MMS19: variants seen among roughly 807,000 people sequenced by gnomAD.
MMS19 encodes MMS19 nucleotide excision repair protein homolog.
A neutral mutation model predicts 129.8 loss-of-function variants in MMS19; 77 were observed. That is an observed-to-expected ratio of 0.59 (90% confidence interval 0.49 to 0.72). MMS19 has a LOEUF of 0.72. Among genes scored for constraint, MMS19 ranks in the 30% least tolerant of loss-of-function variants. The pLI, the probability that MMS19 is intolerant of heterozygous loss-of-function variation, is 0.00. For synonymous variants in MMS19, 491 were observed against 502.8 expected, an observed-to-expected ratio of 0.98 and a Z score of 0.31; for missense variants, 1,168 against 1,266.3, an observed-to-expected ratio of 0.92 and a Z score of 1.18.
chr10:97,493,288 G>T (rs138309479), intron 1 of MMS19, among the ~76,000 whole-genome samples: 1 of 152,160 alleles, frequency 6.6e-6, no homozygotes. Flanking sequence ...TGGGATTACA[G>T]GCATGAACCA....
chr10:97,478,179 T>C, intron 4 of MMS19, 125 bp downstream of exon 4: 3 of 761,276 alleles, frequency 3.9e-6, no homozygotes, highest in Non-Finnish European at 4.4e-6. Flanking sequence ...CTGGTAACAC[T>C]AATTTAGTCC....
intron 2 of MMS19, among the ~76,000 whole-genome samples, chr10:97,482,648 AGAATTGT>A (rs1224240026): frequency 6.6e-6 from 1 of 151,996 alleles, no homozygotes; most frequent in Non-Finnish European, 1.5e-5. Flanking sequence ...TACAAGCCAC[AGAATTGT>A]ACATTTTAAA....
chr10:97,461,711 T>C lies in MMS19; in HGVS notation c.2185-89A>G, dbSNP rs29001326. ...TAGTGGCAGCAGGGACCGGGACGGA[T>C]GAGAACTAACTTCTCTGGTGGGGGA... On this transcript the variant is annotated intron_variant, in intron 22 of 30. Coordinates refer to ENST00000438925, the MANE Select transcript of MMS19 (RefSeq NM_022362.5). 4.6e-4 allele frequency: 720 copies of C among 1,551,312 alleles called. 5 individuals are homozygous for C. The African/African-American group carries it at 9.1e-3, about 20-fold the overall frequency.
chr10:97,491,405 G>A (rs554678687), intron 1 of MMS19, among the ~76,000 whole-genome samples: 80 of 152,308 alleles, frequency 5.3e-4, no homozygotes, highest in African/African-American at 1.9e-3. Flanking sequence ...GGTGGCTCAC[G>A]CCTATAATCC....
At position 97,466,068 on chromosome 10, in the gene MMS19, G is replaced by A. The variant is rs2033415509; in HGVS notation, c.1597C>T (p.Leu533=). 1 of 1,613,476 alleles carries A rather than the reference G, an allele frequency of 6.2e-7. No individual in the cohort carries two copies. Among genetic ancestry groups the A allele is most frequent in the Non-Finnish European group, 8.5e-7 (1 of 1,179,682 alleles). Residue 533 remains leucine (L), a synonymous_variant, in exon 17 of 31, where the codon CTG becomes TTG. Coordinates refer to ENST00000438925, the MANE Select transcript of MMS19 (RefSeq NM_022362.5). Reference sequence around the variant, plus strand: ...GATTAGAGACACATACCTACACGCAGCTCCTCAGCGAGCTTGGGTACGAGG... The same window carrying A: ...GATTAGAGACACATACCTACACGCAACTCCTCAGCGAGCTTGGGTACGAGG... The part of the protein sequence containing the change: ...SHLVPKLAEE[L]RVGESNLTNG...
intron 1 of MMS19, among the ~76,000 whole-genome samples, chr10:97,492,569 C>T (rs903581011): frequency 2.0e-5 from 3 of 151,480 alleles, no homozygotes; most frequent in Middle Eastern, 6.8e-3. Context: ...AAGATGGTGG[C>T]CAGGCATGGT....
intron 2 of MMS19, 100 bp from the exon 3 acceptor site, chr10:97,481,142 A>C: frequency 1.3e-6 from 1 of 768,370 alleles, no homozygotes; most frequent in Non-Finnish European, 2.2e-6. Flanking sequence ...TGGGCATGGA[A>C]GCAGAGCCAA....
Position 97,484,151 on chromosome 10 carries a change from T to C in MMS19, c.113A>G (p.Asp38Gly), listed in dbSNP as rs1260280628. 1 of 1,504,580 alleles carries C rather than the reference T, an allele frequency of 6.6e-7. No homozygotes were observed. The highest frequency in any genetic ancestry group is 9.0e-7 in the Non-Finnish European group (1 of 1,116,248). The allele number at this position is 1,504,580 out of a possible 1,614,324, so 93.2% of individuals were successfully genotyped here. The change falls in exon 2 of 31, where the codon GAT becomes GGT. Residue 38 changes from aspartate to glycine, a missense_variant and splice_region_variant. Physicochemically the swap from Asp to Gly is moderately conservative, Grantham distance 94 (BLOSUM62 -1). Coordinates refer to ENST00000438925, the MANE Select transcript of MMS19 (RefSeq NM_022362.5). ...QEGPADQVAA[D>G]VKSGNYTVLQ... ...CACTGTATAGTTGCCAGATTTCACA[T>C]CTGCAGGAAATAAAATAAATAAATA...
chr10:97,498,644 G>C (rs552555176), upstream of MMS19: 1 of 490,744 alleles, frequency 2.0e-6, no homozygotes, highest in South Asian at 2.5e-5. Flanking sequence ...CTCCCCGGGA[G>C]ACGGGCTGCG....
intron 1 of MMS19, among the ~76,000 whole-genome samples, chr10:97,487,593 A>T (rs1290436436): frequency 6.6e-6 from 1 of 152,062 alleles, no homozygotes; most frequent in South Asian, 2.1e-4. Flanking sequence ...TGCTGGGATT[A>T]CAGGCGTGAG....
At chr10:97,490,641 A>G (rs973233203) in intron 1 of MMS19, among the ~76,000 whole-genome samples, 1 of 152,162 alleles carries the variant, frequency 6.6e-6, no homozygotes, top group Admixed American at 6.5e-5. Context: ...AGTGAAAGAG[A>G]GGTCTGAAGA....
intron 13 of MMS19, among the ~76,000 whole-genome samples, chr10:97,467,842 T>G (rs1057410590): frequency 2.6e-5 from 4 of 151,476 alleles, no homozygotes; most frequent in Non-Finnish European, 4.4e-5. Context: ...TTTTTTTTTT[T>G]TTTTTTGTAG....
intron 27 of MMS19, 52 bp downstream of exon 27, chr10:97,459,607 T>G (rs1345442497): frequency 1.9e-6 from 3 of 1,599,118 alleles, no homozygotes; most frequent in Non-Finnish European, 2.6e-6. Context: ...TAGCCCCATC[T>G]GGGGAAGAAT....
At chr10:97,473,746 G>T (rs1350899317) in intron 8 of MMS19, among the ~76,000 whole-genome samples, 2 of 152,036 alleles carry the variant, frequency 1.3e-5, no homozygotes, top group Non-Finnish European at 2.9e-5. Flanking sequence ...AGTTCTATTG[G>T]GATATAGCTA....
intron 1 of MMS19, among the ~76,000 whole-genome samples, chr10:97,490,289 A>G (rs2038658659): frequency 6.6e-6 from 1 of 152,120 alleles, no homozygotes; most frequent in African/African-American, 2.4e-5. Flanking sequence ...CATGTTGCCC[A>G]GGCTGGTCTC....
chr10:97,482,728 GTATATA>G (rs368625323), intron 2 of MMS19, among the ~76,000 whole-genome samples: 1 of 133,338 alleles, frequency 7.5e-6, no homozygotes, highest in Non-Finnish European at 1.6e-5. Flanking sequence ...GTGTGTGTGT[GTATATA>G]TATACACACA....
rs28987115 is a variant in MMS19 at position 97,482,583 on chromosome 10, A to G, written c.161+1520T>C. On this transcript the variant is annotated intron_variant, in intron 2 of 30. Coordinates refer to ENST00000438925, the MANE Select transcript of MMS19 (RefSeq NM_022362.5). ...GCATGGGTTTCTTTCTGGAGTAATG[A>G]AAATGTCCTCAAAATGACTGTGCTG... is the stretch of plus-strand genomic sequence containing the variant. Among the ~76,000 whole-genome samples, 966 of 152,232 alleles carry G rather than the reference A, an allele frequency of 6.3e-3. 11 individuals are homozygous for G. The highest frequency in any genetic ancestry group is 0.022 in the African/African-American group (911 of 41,522).
chr10:97,473,706 T>A (rs748305985), intron 8 of MMS19, among the ~76,000 whole-genome samples: 5 of 152,116 alleles, frequency 3.3e-5, no homozygotes, highest in Non-Finnish European at 7.3e-5. Context: ...GAAAATTATA[T>A]GAAATTCAAA....
In MMS19 at chr10:97,458,830, C is replaced by T. The variant is rs777222322; in HGVS notation, c.3035G>A (p.Arg1012His). The T allele has an allele frequency of 6.2e-6, 10 of 1,613,902 alleles. No individual in the cohort carries two copies. The highest frequency in any genetic ancestry group is 7.6e-6 in the Non-Finnish European group (9 of 1,179,910). The part of the protein sequence containing the change: ...KPLDDKKRLV[R>H]KEAVSARGEW... ...CCCTCTGGCTGACACTGCTTCCTTG[C>T]GCACCAGTCTCTTCTTGTCATCCAG... The change falls in exon 30 of 31, where the codon CGC (arginine) becomes CAC (histidine). Residue 1012 changes from arginine (R) to histidine (H), a missense_variant. Around this residue, in one of 3 missense-constraint regions of MMS19, gnomAD observed 831 missense variants for 910.8 expected, o/e 0.91. Transcript: ENST00000438925.
Sources: gnomAD v4.1 joint callset for allele counts (sites outside exome capture counted in the v4.1 genomes callset) on GRCh38, gnomAD v4.1.1 for gene constraint, gnomAD v4.1.1 regional missense constraint, MANE v1.5 for transcripts, NCBI Gene and HGNC (gene_info 2026-07-23, HGNC 2026-07-21) for gene names.